Variants in USP7 observed in about 807,000 individuals in gnomAD.
USP7 encodes ubiquitin specific peptidase 7, also known as ubiquitin C-terminal hydrolase 7.
A neutral mutation model predicts 162.9 loss-of-function variants in USP7; 9 were observed. The observed-to-expected ratio is 0.06, with a 90% confidence interval of 0.03 to 0.10. USP7 has a LOEUF of 0.10. Ranked by LOEUF, USP7 falls within the 10% of genes least tolerant of loss-of-function variation. USP7 has a pLI of 1.00. For synonymous variants in USP7, 562 were observed against 475.9 expected, an observed-to-expected ratio of 1.18 and a Z score of -2.35; for missense variants, 715 against 1,373.7, an observed-to-expected ratio of 0.52 and a Z score of 7.58.
intron 1 of USP7, 85 bp from the exon 2 acceptor site, chr16:8,930,482 T>C: frequency 1.1e-6 from 1 of 904,744 alleles, no homozygotes. Flanking sequence ...ACTTTTGATG[T>C]TGCCTAATCA....
intron 20 of USP7, 176 bp downstream of exon 20, chr16:8,900,811 TCTA>T: frequency 1.3e-6 from 1 of 744,402 alleles, no homozygotes; most frequent in Non-Finnish European, 2.1e-6. Flanking sequence ...CAGATTTGAT[TCTA>T]CAACAGGTAA....
rs75959309 is a variant in USP7, at chr16:8,929,683, T to C, written c.184+610A>G. The C allele has an allele frequency of 3.4e-3, 1,395 of 411,936 alleles. 21 individuals carry two copies. The highest frequency in any genetic ancestry group is 0.025 in the African/African-American group (1,196 of 48,402). The allele number at this position is 411,936 out of a possible 1,614,324, so 25.5% of individuals were successfully genotyped here. A position where few individuals can be genotyped will look rare whatever the true frequency, so the allele number is the denominator to read the frequency against. On this transcript the variant is annotated intron_variant, in intron 2 of 30. Coordinates refer to ENST00000344836, the MANE Select transcript of USP7 (RefSeq NM_003470.3). ...ACTCACAAGTGTGACTGTGCAAATA[T>C]TGAGGTCACTAATTTGATAAATTTA...
chr16:8,930,060 A>C (rs1898231014), intron 2 of USP7, among the ~76,000 whole-genome samples: 1 of 152,236 alleles, frequency 6.6e-6, no homozygotes, highest in African/African-American at 2.4e-5. Context: ...TATTAAATTT[A>C]AACCTACATT....
intron 1 of USP7, among the ~76,000 whole-genome samples, chr16:8,956,532 A>AGGCGGG (rs1367919742): frequency 5.9e-5 from 9 of 152,316 alleles, no homozygotes; most frequent in East Asian, 5.8e-4. Flanking sequence ...TGGGAGGCGG[A>AGGCGGG]GGCGGGCAGA....
chr16:8,895,812 T>A, intron 26 of USP7, 71 bp from the exon 27 acceptor site: 2 of 1,088,380 alleles, frequency 1.8e-6, no homozygotes, highest in Non-Finnish European at 1.3e-6. Flanking sequence ...AATGGTTTTC[T>A]AGAAAGAAAT....
At chr16:8,955,289 G>A (rs1431623360) in intron 1 of USP7, among the ~76,000 whole-genome samples, 2 of 152,204 alleles carry the variant, frequency 1.3e-5, no homozygotes, top group African/African-American at 2.4e-5. Flanking sequence ...TCTCACCCCA[G>A]GCTAGAGTGC....
At chr16:8,955,132 T>C (rs774938283) in intron 1 of USP7, among the ~76,000 whole-genome samples, 1 of 152,264 alleles carries the variant, frequency 6.6e-6, no homozygotes, top group Non-Finnish European at 1.5e-5. Context: ...TTCCCACGTA[T>C]GCTTGTTCTA....
Position 8,916,484 on chromosome 16 carries a change from G to A in USP7, c.906+18C>T. 6.3e-7 allele frequency: 1 copy of A among 1,599,948 alleles called. No individual in the cohort carries two copies. Among genetic ancestry groups the A allele is most frequent in the Non-Finnish European group, 8.5e-7 (1 of 1,174,308 alleles). Reference sequence around the variant, plus strand: ...AATATTCATTGTAAGAAATATACAAGTATTGCTTGAAACTTACCACTCGAC... The same window carrying A: ...AATATTCATTGTAAGAAATATACAAATATTGCTTGAAACTTACCACTCGAC... On this transcript the variant is annotated intron_variant, in intron 8 of 30. Transcript: ENST00000344836.
chr16:8,943,058 T>G (rs1482411932), intron 1 of USP7, among the ~76,000 whole-genome samples: 1 of 152,208 alleles, frequency 6.6e-6, no homozygotes, highest in Non-Finnish European at 1.5e-5. Context: ...CTTTGACGCT[T>G]TGCTCTATAT....
At chr16:8,928,111 A>C (rs549679022) in intron 2 of USP7, among the ~76,000 whole-genome samples, 9 of 152,374 alleles carry the variant, frequency 5.9e-5, no homozygotes, top group African/African-American at 1.9e-4. Flanking sequence ...CTATGTTAAC[A>C]GGATTTTTAA....
Position 8,957,988 on chromosome 16 carries a change from C to T in USP7, c.79+5219G>A, listed in dbSNP as rs150664676. On this transcript the variant is annotated intron_variant, in intron 1 of 30. Transcript: ENST00000344836. ...AAGCAATACCGTTTTATGGCTTCAG[C>T]GTCTCTTTCTCAGAGCCACTTGCCA... Among the ~76,000 whole-genome samples, 453 of 152,256 alleles carry T rather than the reference C, an allele frequency of 3.0e-3. 2 individuals carry two copies. The highest frequency in any genetic ancestry group is 0.01 in the African/African-American group (419 of 41,552).
chr16:8,950,412 TTAAA>T (rs1401493972), intron 1 of USP7, among the ~76,000 whole-genome samples: 2 of 152,196 alleles, frequency 1.3e-5, no homozygotes, highest in Admixed American at 1.3e-4. Flanking sequence ...GAATTACATT[TTAAA>T]TAACAGCTTC....
intron 14 of USP7, among the ~76,000 whole-genome samples, chr16:8,904,920 C>T (rs534845735): frequency 3.3e-5 from 5 of 152,162 alleles, no homozygotes; most frequent in African/African-American, 1.2e-4. Context: ...TGCAGTGAGC[C>T]GAGATCGCGC....
chr16:8,939,129 T>A (rs12443510), intron 1 of USP7, among the ~76,000 whole-genome samples: 2,227 of 152,330 alleles, frequency 0.015, 163 homozygotes, highest in Admixed American at 0.12. Context: ...TTACATGTAC[T>A]TACGTGTATT....
intron 26 of USP7, among the ~76,000 whole-genome samples, chr16:8,896,384 G>A (rs552283496): frequency 6.6e-6 from 1 of 152,138 alleles, no homozygotes; most frequent in Non-Finnish European, 1.5e-5. Flanking sequence ...TTAGGTAATA[G>A]ATTAGGGTCT....
At chr16:8,957,244 A>G (rs1232770973) in intron 1 of USP7, among the ~76,000 whole-genome samples, 2 of 152,244 alleles carry the variant, frequency 1.3e-5, no homozygotes, top group African/African-American at 2.4e-5. Context: ...TTGCCTACGC[A>G]TGACACTTAA....
At chr16:8,905,162 C>A (rs764875163) in intron 14 of USP7, 25 bp downstream of exon 14, 1 of 1,607,322 alleles carries the variant, frequency 6.2e-7, no homozygotes, top group Middle Eastern at 1.7e-4. Flanking sequence ...CAGTAAAGAA[C>A]AGAACAAAAG....
At chr16:8,914,680 G>T (rs977560548) in intron 10 of USP7, among the ~76,000 whole-genome samples, 2 of 152,114 alleles carry the variant, frequency 1.3e-5, no homozygotes, top group Non-Finnish European at 2.9e-5. Flanking sequence ...TGCTTTGGGA[G>T]CCCAAGGCAG....
chr16:8,945,763 A>C (rs1899247798), intron 1 of USP7, among the ~76,000 whole-genome samples: 1 of 152,152 alleles, frequency 6.6e-6, no homozygotes, highest in Non-Finnish European at 1.5e-5. Context: ...TGAATAACAC[A>C]GATCCACTGG....
Sources: allele counts gnomAD v4.1 joint callset (sites outside exome capture counted in the v4.1 genomes callset), GRCh38; gene constraint gnomAD v4.1.1; transcripts MANE v1.5; gene names NCBI Gene and HGNC (gene_info 2026-07-23, HGNC 2026-07-21).